The following JARID2 variants were observed in gnomAD, a reference collection of about 807,000 sequenced individuals.
The protein encoded by JARID2 is protein Jumonji.
Under a neutral mutation model 125.6 loss-of-function variants are expected in JARID2, and 21 were observed. The observed-to-expected ratio is 0.17, with a 90% CI of 0.12 to 0.24. The LOEUF is 0.24. Ranked by LOEUF, JARID2 falls within the 10% of genes least tolerant of loss-of-function variation. The pLI, the probability that JARID2 is intolerant of heterozygous loss-of-function variation, is 1.00. For synonymous variants in JARID2, 736 were observed against 661.6 expected, an observed-to-expected ratio of 1.11 and a Z score of -1.73; for missense variants, 1,303 against 1,639.6, an observed-to-expected ratio of 0.79 and a Z score of 3.55.
chr6:15,455,656 C>T (rs563561048), intron 4 of JARID2, among the ~76,000 whole-genome samples: 21 of 152,236 alleles, frequency 1.4e-4, no homozygotes, highest in Admixed American at 9.8e-4. Context: ...CTCAGCCTCC[C>T]GAGTAGCTGG....
At chr6:15,500,859 G>A (rs374213630) in intron 7 of JARID2, 48 bp from the exon 8 acceptor site, 34 of 1,514,810 alleles carry the variant, frequency 2.2e-5, no homozygotes, top group African/African-American at 1.2e-4. Context: ...CATCTTGTTC[G>A]TGTCTCTTTC....
intron 1 of JARID2, among the ~76,000 whole-genome samples, chr6:15,323,798 G>A (rs114435668): frequency 0.024 from 3,644 of 151,160 alleles, 157 homozygotes; most frequent in African/African-American, 0.083. Context: ...TGGAGGCCAC[G>A]TGAGAATCAC....
chr6:15,413,783 C>A (rs997918292), intron 3 of JARID2, among the ~76,000 whole-genome samples: 6 of 152,066 alleles, frequency 3.9e-5, no homozygotes, highest in African/African-American at 1.4e-4. Context: ...TCTAAGCTTG[C>A]ATTTATAACA....
At chr6:15,436,335 G>T (rs1176277680) in intron 3 of JARID2, among the ~76,000 whole-genome samples, 5 of 152,220 alleles carry the variant, frequency 3.3e-5, no homozygotes, top group Admixed American at 2.6e-4. Context: ...CTGGAGGCGG[G>T]CTGCACGCTG....
At chr6:15,343,153 C>T (rs531985551) in intron 1 of JARID2, among the ~76,000 whole-genome samples, 11 of 147,148 alleles carry the variant, frequency 7.5e-5, no homozygotes, top group Non-Finnish European at 1.5e-4. Flanking sequence ...CACTTGAACT[C>T]GGGAGGTGGA....
chr6:15,250,070 A>T (rs1486599956), intron 1 of JARID2, among the ~76,000 whole-genome samples: 4 of 152,198 alleles, frequency 2.6e-5, no homozygotes, highest in Non-Finnish European at 4.4e-5. Flanking sequence ...TCTCTGCCTT[A>T]TGAAGATAGT....
At chr6:15,376,685 C>T (rs1764367524) in intron 2 of JARID2, among the ~76,000 whole-genome samples, 1 of 152,194 alleles carries the variant, frequency 6.6e-6, no homozygotes, top group Non-Finnish European at 1.5e-5. Context: ...GTTCACACCA[C>T]TGTATTCCAG....
At chr6:15,513,709 C>T (rs1016808774) in intron 16 of JARID2, among the ~76,000 whole-genome samples, 2 of 152,240 alleles carry the variant, frequency 1.3e-5, no homozygotes, top group East Asian at 1.9e-4. Flanking sequence ...CCTCCCTCTC[C>T]GCCCTACTTT....
At chr6:15,395,910 G>A (rs760084078) in intron 2 of JARID2, among the ~76,000 whole-genome samples, 2 of 151,882 alleles carry the variant, frequency 1.3e-5, no homozygotes, top group Admixed American at 6.6e-5. Context: ...TGACCTGCCC[G>A]CCTTGGCCTC....
intron 3 of JARID2, among the ~76,000 whole-genome samples, chr6:15,410,755 G>GT (rs1349548013): frequency 2.0e-5 from 3 of 152,172 alleles, no homozygotes; most frequent in Non-Finnish European, 4.4e-5. Flanking sequence ...AGTAAATGTG[G>GT]TGTTTCTGAG....
chr6:15,454,585 C>G (rs551022797), intron 4 of JARID2, among the ~76,000 whole-genome samples: 1 of 152,134 alleles, frequency 6.6e-6, no homozygotes, highest in South Asian at 2.1e-4. Context: ...TCAAGCCATC[C>G]TTCTGCCTCA....
chr6:15,452,294 G>C, intron 4 of JARID2, 119 bp downstream of exon 4: 10 of 1,420,158 alleles, frequency 7.0e-6, no homozygotes, highest in Non-Finnish European at 9.3e-6. Context: ...CCCAACCTGG[G>C]TTGAGGGGGA....
At chr6:15,366,219 A>G (rs930201861) in intron 1 of JARID2, among the ~76,000 whole-genome samples, 7 of 152,122 alleles carry the variant, frequency 4.6e-5, no homozygotes, top group Non-Finnish European at 1.0e-4. Flanking sequence ...ACACGTTCTG[A>G]AAATAAAAGG....
At chr6:15,353,201 A>G (rs141511033) in intron 1 of JARID2, among the ~76,000 whole-genome samples, 1 of 152,274 alleles carries the variant, frequency 6.6e-6, no homozygotes, top group African/African-American at 2.4e-5. Context: ...ATCCTTTCCA[A>G]TACTTGTTGC....
intron 17 of JARID2, among the ~76,000 whole-genome samples, chr6:15,518,893 G>A (rs1208737972): frequency 6.6e-6 from 1 of 152,162 alleles, no homozygotes; most frequent in Non-Finnish European, 1.5e-5. Context: ...CTGCTGACCC[G>A]GGACAGTCTG....
intron 17 of JARID2, among the ~76,000 whole-genome samples, chr6:15,518,634 A>G (rs565507446): frequency 2.0e-5 from 3 of 152,248 alleles, no homozygotes; most frequent in African/African-American, 7.2e-5. Flanking sequence ...GGTGCCCGCC[A>G]CTACGCACCC....
intron 5 of JARID2, among the ~76,000 whole-genome samples, chr6:15,479,475 A>T (rs914871767): frequency 1.3e-5 from 2 of 152,264 alleles, no homozygotes; most frequent in African/African-American, 4.8e-5. Flanking sequence ...GGAGATCATG[A>T]TGAGAGTGGC....
intron 1 of JARID2, among the ~76,000 whole-genome samples, chr6:15,287,831 C>T (rs1245240684): frequency 1.3e-5 from 2 of 152,178 alleles, no homozygotes; most frequent in African/African-American, 4.8e-5. Flanking sequence ...CACTTTGAAT[C>T]ATGGACATTT....
In JARID2 at chr6:15,496,818, G is replaced by C; in HGVS notation, c.1593G>C (p.Glu531Asp). 6.2e-7 allele frequency: 1 copy of C among 1,604,584 alleles called. No individual in the cohort carries two copies. Among genetic ancestry groups the C allele is most frequent in the Non-Finnish European group, 8.5e-7 (1 of 1,174,608 alleles). Reference protein sequence around the residue: ...SCENRSTSQPESVHKPQDSGK... With the variant: ...SCENRSTSQPDSVHKPQDSGK... ...AAAATCGTTCTACCTCGCAACCGGA[G>C]TCCGTGCACAAGCCGCAGGACTCGG... is the stretch of plus-strand genomic sequence containing the variant. The change falls in exon 7 of 18, where the codon GAG becomes GAC. Residue 531 changes from glutamate to aspartate, a missense_variant. Transcript: ENST00000341776.
Sources: gnomAD v4.1 joint callset for allele counts (sites outside exome capture counted in the v4.1 genomes callset) on GRCh38, gnomAD v4.1.1 for gene constraint, MANE v1.5 for transcripts, NCBI Gene and HGNC (gene_info 2026-07-23, HGNC 2026-07-21) for gene names.